CCDC73: variants seen among roughly 807,000 people sequenced by gnomAD.
CCDC73 encodes the protein coiled-coil domain containing 73.
In CCDC73, 95 loss-of-function variants were observed where a neutral mutation model predicts 116.5. The observed-to-expected ratio is 0.82, with a 90% CI of 0.69 to 0.97. The LOEUF (loss-of-function observed/expected upper bound fraction) is 0.97, where lower values mean the gene tolerates loss of function less well. Ranked by LOEUF, CCDC73 falls within the 50% of genes least tolerant of loss-of-function variation. The pLI, the probability that CCDC73 is intolerant of heterozygous loss-of-function variation, is 0.00. For missense variants in CCDC73, 1,066 were observed against 1,206.8 expected (o/e 0.88, Z 1.73); for synonymous variants, 398 against 401.3 (o/e 0.99, Z 0.10).
intron 9 of CCDC73, among the ~76,000 whole-genome samples, chr11:32,661,780 C>G (rs1347529753): frequency 3.3e-5 from 5 of 151,568 alleles, no homozygotes; most frequent in African/African-American, 1.2e-4. Flanking sequence ...GTGTGCTGCA[C>G]CCATTAACTC....
intron 15 of CCDC73, 114 bp downstream of exon 15, chr11:32,615,826 A>G: frequency 2.9e-6 from 3 of 1,022,872 alleles, no homozygotes; most frequent in Non-Finnish European, 4.1e-6. Context: ...ACCAGAATCC[A>G]AAAAGACTAG....
At position 32,614,625 on chromosome 11, in the gene CCDC73, C is replaced by T. The variant is rs1240117243; in HGVS notation, c.1693G>A (p.Val565Ile). ...TRGLDVHHTD[V>I]NLEVENNKTS... ...TTGTTATTTTCAACCTCCAGATTTA[C>T]ATCTGTATGGTGAACATCTAATCCT... Residue 565 changes from valine (V) to isoleucine (I), a missense_variant, in exon 16 of 18, where the codon GTA (valine) becomes ATA (isoleucine). Transcript: ENST00000335185. 1 of 1,612,510 alleles carries T rather than the reference C, an allele frequency of 6.2e-7. No individual in the cohort carries two copies. Among genetic ancestry groups the T allele is most frequent in the Admixed American group, 1.7e-5 (1 of 59,936 alleles).
intron 3 of CCDC73, among the ~76,000 whole-genome samples, chr11:32,711,404 T>C (rs1219359004): frequency 6.6e-6 from 1 of 152,070 alleles, no homozygotes; most frequent in African/African-American, 2.4e-5. Context: ...TGCCCATCAA[T>C]CAACAAGTAG....
intron 1 of CCDC73, among the ~76,000 whole-genome samples, chr11:32,790,753 G>A (rs1850668085): frequency 6.6e-6 from 1 of 152,158 alleles, no homozygotes; most frequent in African/African-American, 2.4e-5. Context: ...TGAAGAGATT[G>A]AGAGAATTAG....
At chr11:32,742,360 A>G (rs190099129) in intron 2 of CCDC73, among the ~76,000 whole-genome samples, 52 of 152,348 alleles carry the variant, frequency 3.4e-4, no homozygotes, top group African/African-American at 1.2e-3. Context: ...AACTGGCATG[A>G]GATGGTATCT....
At chr11:32,677,955 C>CAAAAA (rs34907847) in intron 7 of CCDC73, among the ~76,000 whole-genome samples, 10 of 64,258 alleles carry the variant, frequency 1.6e-4, no homozygotes, top group African/African-American at 3.4e-4. Flanking sequence ...GATTCCATCT[C>CAAAAA]AAAAAAAAAA....
chr11:32,763,890 A>G (rs1392779316), intron 1 of CCDC73, among the ~76,000 whole-genome samples: 1 of 152,230 alleles, frequency 6.6e-6, no homozygotes, highest in East Asian at 1.9e-4. Context: ...ATGGCTAACT[A>G]GAATAACCAG....
At chr11:32,791,273 C>T (rs985927469) in intron 1 of CCDC73, among the ~76,000 whole-genome samples, 9 of 152,146 alleles carry the variant, frequency 5.9e-5, no homozygotes. Flanking sequence ...CCTAAATGTA[C>T]ATTACAACAA....
intron 7 of CCDC73, chr11:32,680,568 C>T (rs2133292561): frequency 6.6e-6 from 1 of 152,078 alleles, no homozygotes; most frequent in South Asian, 2.1e-4. Context: ...TACTTTAAAG[C>T]CTTGAAGCAT....
intron 2 of CCDC73, among the ~76,000 whole-genome samples, chr11:32,757,707 T>A (rs545178628): frequency 1.9e-4 from 29 of 152,296 alleles, no homozygotes; most frequent in Non-Finnish European, 7.4e-5. Context: ...GCTAGCAGCA[T>A]AACATCTTCC....
intron 2 of CCDC73, among the ~76,000 whole-genome samples, chr11:32,752,500 C>G (rs1048431139): frequency 6.6e-6 from 1 of 152,280 alleles, no homozygotes; most frequent in African/African-American, 2.4e-5. Context: ...TATCCATTAT[C>G]TATATTAATT....
chr11:32,786,254 T>G (rs1850625290), intron 1 of CCDC73, among the ~76,000 whole-genome samples: 1 of 150,962 alleles, frequency 6.6e-6, no homozygotes, highest in South Asian at 2.1e-4. Context: ...TTTTTAACAT[T>G]TGGCATAAAA....
At chr11:32,691,336 G>C (rs1856256613) in intron 6 of CCDC73, among the ~76,000 whole-genome samples, 1 of 152,040 alleles carries the variant, frequency 6.6e-6, no homozygotes, top group Non-Finnish European at 1.5e-5. Flanking sequence ...GTGAGCCACT[G>C]TGCCTGGCCT....
At chr11:32,647,434 T>C (rs943438776) in intron 12 of CCDC73, among the ~76,000 whole-genome samples, 6 of 152,210 alleles carry the variant, frequency 3.9e-5, no homozygotes, top group South Asian at 4.2e-4. Flanking sequence ...ACCTCCAACA[T>C]TGGGGTTTAC....
At chr11:32,650,675 T>TA (rs796645416) in intron 12 of CCDC73, among the ~76,000 whole-genome samples, 23 of 152,242 alleles carry the variant, frequency 1.5e-4, no homozygotes, top group African/African-American at 5.3e-4. Context: ...GGTCTGACAT[T>TA]AGGATACCAC....
intron 9 of CCDC73, among the ~76,000 whole-genome samples, chr11:32,665,044 C>T (rs2133275724): frequency 6.6e-6 from 1 of 152,254 alleles, no homozygotes. Flanking sequence ...AATTTCTGTT[C>T]TTCTACATTT....
At chr11:32,765,132 C>A (rs1017873900) in intron 1 of CCDC73, among the ~76,000 whole-genome samples, 3 of 152,168 alleles carry the variant, frequency 2.0e-5, no homozygotes, top group Admixed American at 1.3e-4. Context: ...TAGAGTCCTA[C>A]AAAGAGACTT....
rs1268625206 is a variant in CCDC73, at chr11:32,611,242, C to T, written c.2920G>A (p.Ala974Thr). ...GPDTTSINRV[A>T]DTLNNWSIHP... ...ATACTCCAGTTATTCAAAGTGTCAG[C>T]AACTCTGTTAATGCTGGTAGTATCT... The change falls in exon 17 of 18, where the codon GCT becomes ACT. Residue 974 changes from alanine (A) to threonine (T), a missense_variant. Ala to Thr is a moderately conservative substitution (Grantham distance 58). Coordinates refer to ENST00000335185, the MANE Select transcript of CCDC73 (RefSeq NM_001008391.4). 1.2e-6 allele frequency: 2 copies of T among 1,613,404 alleles called. No individual in the cohort carries two copies. Among genetic ancestry groups the T allele is most frequent in the Non-Finnish European group, 1.7e-6 (2 of 1,179,620 alleles).
chr11:32,782,586 T>C (rs924711773), intron 1 of CCDC73, among the ~76,000 whole-genome samples: 40 of 152,258 alleles, frequency 2.6e-4, no homozygotes, highest in Admixed American at 1.8e-3. Context: ...AGGGAAAGTG[T>C]CTAATTTAAA....
Sources: gnomAD v4.1 joint callset for allele counts (sites outside exome capture counted in the v4.1 genomes callset) on GRCh38, gnomAD v4.1.1 for gene constraint, MANE v1.5 for transcripts, NCBI Gene and HGNC (gene_info 2026-07-23, HGNC 2026-07-21) for gene names.